Variants in DYNC2H1 observed in about 807,000 individuals in gnomAD.
DYNC2H1 encodes cytoplasmic dynein 2 heavy chain 1.
DYNC2H1 carries 410 observed loss-of-function variants against 570.0 expected under a neutral mutation model. The ratio of observed to expected loss-of-function variants is 0.72; its 90% CI spans 0.66 to 0.78. The LOEUF is 0.78. Among genes scored for constraint, DYNC2H1 ranks in the 30% least tolerant of loss-of-function variants. DYNC2H1 has a pLI of 0.00. For missense variants in DYNC2H1, 4,865 were observed against 5,046.4 expected, an observed-to-expected ratio of 0.96 and a Z score of 1.09; for synonymous variants, 1,688 against 1,677.6, an observed-to-expected ratio of 1.01 and a Z score of -0.15.
chr11:103,358,221 T>G, intron 82 of DYNC2H1, 22 bp from the exon 83 acceptor site: 1 of 1,370,204 alleles, frequency 7.3e-7, no homozygotes, highest in Non-Finnish European at 1.0e-6. Flanking sequence ...TATTTGTTGA[T>G]ACTTATTATT....
intron 63 of DYNC2H1, among the ~76,000 whole-genome samples, chr11:103,237,543 A>G (rs1377135972): frequency 1.3e-5 from 2 of 150,094 alleles, no homozygotes; most frequent in Non-Finnish European, 3.0e-5. Context: ...CCTGTTTTTA[A>G]ATTTACTTTT....
intron 84 of DYNC2H1, among the ~76,000 whole-genome samples, chr11:103,422,101 A>G (rs1253752950): frequency 2.0e-5 from 3 of 152,186 alleles, no homozygotes; most frequent in Admixed American, 1.3e-4. Context: ...GAAGAAATGG[A>G]TAAATTCCTG....
chr11:103,313,959 C>G (rs1185063995), intron 79 of DYNC2H1, among the ~76,000 whole-genome samples: 1 of 152,042 alleles, frequency 6.6e-6, no homozygotes, highest in Admixed American at 6.6e-5. Context: ...TTTTTCCTGA[C>G]TTCTCTGACC....
chr11:103,213,151 G>A (rs1422329389), intron 54 of DYNC2H1, among the ~76,000 whole-genome samples: 1 of 152,106 alleles, frequency 6.6e-6, no homozygotes, highest in East Asian at 1.9e-4. Flanking sequence ...AGGCCAGGGT[G>A]AAATGTCTAC....
At position 103,135,513 on chromosome 11, in the gene DYNC2H1, A is replaced by C; in HGVS notation, c.2224A>C (p.Met742Leu). 6.4e-7 allele frequency: 1 copy of C among 1,570,172 alleles called. No individual in the cohort carries two copies. Among genetic ancestry groups the C allele is most frequent in the Non-Finnish European group, 8.6e-7 (1 of 1,160,080 alleles). Reference sequence around the variant, plus strand: ...ATATTAGGGATTCCAAGCAAGTGACATGCATGCATGGAAACAACACTGGAA... The same window carrying C: ...ATATTAGGGATTCCAAGCAAGTGACCTGCATGCATGGAAACAACACTGGAA... ...VEAQGFQASD[M>L]HAWKQHWNHQ... is the part of the protein sequence containing the mutation. The change falls in exon 16 of 89, where the codon ATG becomes CTG. Residue 742 changes from methionine (M) to leucine (L), a missense_variant. Physicochemically the swap from Met to Leu is conservative, Grantham distance 15. Transcript: ENST00000375735.
chr11:103,436,338 G>C (rs1367169896), intron 85 of DYNC2H1, among the ~76,000 whole-genome samples: 2 of 151,852 alleles, frequency 1.3e-5, no homozygotes, highest in Non-Finnish European at 2.9e-5. Context: ...ACTGTGACTA[G>C]TTTGCCTTAG....
rs751791436 is a variant in DYNC2H1, at chr11:103,436,010, T to C, written c.12434T>C (p.Val4145Ala). ...EDPLQYLRGL[V>A]ARALAIQNWV... ...CCCTTACAATACCTGAGAGGTCTTG[T>C]TGCCCGTGCCCTTGCAATACAGGTA... Residue 4145 changes from valine to alanine, a missense_variant, in exon 85 of 89, where the codon GTT (valine) becomes GCT (alanine). Physicochemically the swap from Val to Ala is moderately conservative, Grantham distance 64 (BLOSUM62 0). Around this residue, in one of 5 missense-constraint regions of DYNC2H1, gnomAD observed 2,401 missense variants for 2,454.6 expected, o/e 0.98. Transcript: ENST00000375735. 6.2e-6 allele frequency: 10 copies of C among 1,612,534 alleles called. No individual in the cohort carries two copies. In the South Asian group the frequency reaches 9.9e-5, roughly 16 times the overall value.
At chr11:103,179,775 G>C (rs1861774402) in intron 39 of DYNC2H1, among the ~76,000 whole-genome samples, 1 of 151,566 alleles carries the variant, frequency 6.6e-6, no homozygotes. Context: ...CTTAAAGACT[G>C]AAAGTGAATA....
At chr11:103,235,437 A>T (rs1864183816) in intron 61 of DYNC2H1, among the ~76,000 whole-genome samples, 2 of 151,920 alleles carry the variant, frequency 1.3e-5, no homozygotes, top group Admixed American at 1.3e-4. Flanking sequence ...ATCGTTAAGA[A>T]CTTTCAATGA....
Position 103,151,094 on chromosome 11 carries a change from T to C in DYNC2H1, c.2947-1042T>C, listed in dbSNP as rs1275712605. On this transcript the variant is annotated intron_variant, in intron 20 of 88. Transcript: ENST00000375735. This position sits in a 1 kb window ranked among gnomAD's most constrained non-coding sequence, Gnocchi z 4.6. ...TGGAGGTAGGTAGACTAGGAAACTA[T>C]TGTGATATGTTTTACAGGCTAACTG... Among the ~76,000 whole-genome samples, 1 of 152,048 alleles carries C rather than the reference T, an allele frequency of 6.6e-6. No individual in the cohort carries two copies. Among genetic ancestry groups the C allele is most frequent in the Non-Finnish European group, 1.5e-5 (1 of 68,006 alleles).
At chr11:103,355,886 T>TG (rs1940312841) in intron 82 of DYNC2H1, among the ~76,000 whole-genome samples, 1 of 152,082 alleles carries the variant, frequency 6.6e-6, no homozygotes, top group Non-Finnish European at 1.5e-5. Context: ...ATTTTTAAAA[T>TG]TTTTTAAGAG....
At chr11:103,426,114 CT>C (rs1943662178) in intron 84 of DYNC2H1, among the ~76,000 whole-genome samples, 1 of 102,628 alleles carries the variant, frequency 9.7e-6, no homozygotes. Flanking sequence ...CAATCTGTGC[CT>C]TAAAGACATG....
At chr11:103,155,300 T>A (rs1265471574) in intron 24 of DYNC2H1, 31 bp from the exon 25 acceptor site, 1 of 1,539,958 alleles carries the variant, frequency 6.5e-7, no homozygotes, top group South Asian at 1.2e-5. Flanking sequence ...TGTGTATACA[T>A]ATGACTTTTT....
In DYNC2H1 at chr11:103,245,183, A is replaced by G. The variant is rs2135230356; in HGVS notation, c.9919-68A>G. The G allele has an allele frequency of 1.5e-6, 2 of 1,302,344 alleles. No homozygotes were observed. The highest frequency in any genetic ancestry group is 2.1e-6 in the Non-Finnish European group (2 of 960,250). 80.7% of individuals were successfully genotyped at this position (1,302,344 alleles called of 1,614,324 possible). ...CATTTTGAAATTACTGTAGAAAATCAAAGAAAGGATGTTTGTAAATATTAA... is the reference window on the plus strand; with the variant it reads ...CATTTTGAAATTACTGTAGAAAATCGAAGAAAGGATGTTTGTAAATATTAA... On this transcript the variant is annotated intron_variant, in intron 64 of 88. Transcript: ENST00000375735. The surrounding 1 kb of genome is among the most constrained non-coding windows in gnomAD (Gnocchi z 4.5).
intron 19 of DYNC2H1, 140 bp from the exon 20 acceptor site, chr11:103,148,350 T>A: frequency 1.1e-6 from 1 of 914,388 alleles, no homozygotes; most frequent in South Asian, 2.1e-5. Flanking sequence ...AATTTTGTTT[T>A]ATGAAAGCAA....
chr11:103,254,660 C>G lies in DYNC2H1; in HGVS notation c.10207-755C>G, dbSNP rs61898173. Reference sequence around the variant, plus strand: ...AGGAGGGTTCCGCTTTTTTCCATATCCTTGCCAACTCTGGTTGTTATGTAT... The same window carrying G: ...AGGAGGGTTCCGCTTTTTTCCATATGCTTGCCAACTCTGGTTGTTATGTAT... On this transcript the variant is annotated intron_variant, in intron 66 of 88. Transcript: ENST00000375735. The surrounding 1 kb of genome is among the most constrained non-coding windows in gnomAD (Gnocchi z 4.9). Among the ~76,000 whole-genome samples, 13,481 of 152,180 alleles carry G rather than the reference C, an allele frequency of 0.089. 783 individuals are homozygous for G. Among genetic ancestry groups the G allele is most frequent in the Non-Finnish European group, 0.12 (8,147 of 67,994 alleles).
At position 103,154,461 on chromosome 11, in the gene DYNC2H1, C is replaced by T; in HGVS notation, c.3313C>T (p.His1105Tyr). The change falls in exon 23 of 89, where the codon CAT becomes TAT. Residue 1105 changes from histidine to tyrosine, a missense_variant. His to Tyr is a moderately conservative substitution (Grantham distance 83, BLOSUM62 2). This residue lies in a region of DYNC2H1 where 1,936 missense variants were observed against 1,962.1 expected (regional missense o/e 0.99). Coordinates refer to ENST00000375735, the MANE Select transcript of DYNC2H1 (RefSeq NM_001377.3). ...VTRKKLVDDC[H>Y]HFRLEEPNFS... ...TATTTGTTTCTATAGTGATGATTGC[C>T]ATCATTTTAGACTGGAAGAGCCTAA... 1 of 1,532,628 alleles carries T rather than the reference C, an allele frequency of 6.5e-7. No individual in the cohort carries two copies. Among genetic ancestry groups the T allele is most frequent in the Non-Finnish European group, 8.7e-7 (1 of 1,143,726 alleles). The allele number at this position is 1,532,628 out of a possible 1,614,324, so 94.9% of individuals were successfully genotyped here.
chr11:103,441,685 T>C lies in DYNC2H1; in HGVS notation c.12456+5653T>C, dbSNP rs562333138. 2.6e-5 allele frequency among the ~76,000 whole-genome samples: 4 copies of C among 152,300 alleles called. No individual in the cohort carries two copies. The South Asian group carries it at 8.3e-4, about 32-fold the overall frequency. Reference sequence around the variant, plus strand: ...CAAGATTTAGCTTCCTGAGATATATTCTGTAGTATTTCATTATCTATTTTG... The same window carrying C: ...CAAGATTTAGCTTCCTGAGATATATCCTGTAGTATTTCATTATCTATTTTG... On this transcript the variant is annotated intron_variant, in intron 85 of 88. Transcript: ENST00000375735.
intron 79 of DYNC2H1, among the ~76,000 whole-genome samples, chr11:103,314,902 CTT>C: frequency 6.6e-6 from 1 of 151,782 alleles, no homozygotes; most frequent in Non-Finnish European, 1.5e-5. Context: ...TAAAAATAAA[CTT>C]TTTCACATAC....
Sources: allele counts gnomAD v4.1 joint callset (sites outside exome capture counted in the v4.1 genomes callset), GRCh38; gene constraint gnomAD v4.1.1; regional missense constraint gnomAD v4.1.1; non-coding constraint Gnocchi (gnomAD v3.1); transcripts MANE v1.5; gene names NCBI Gene and HGNC (gene_info 2026-07-23, HGNC 2026-07-21).